DENND2C: variants seen among roughly 807,000 people sequenced by gnomAD.
DENND2C encodes the protein DENN domain containing 2C.
A neutral mutation model predicts 112.4 loss-of-function variants in DENND2C; 72 were observed. The observed-to-expected ratio is 0.64, with a 90% CI of 0.53 to 0.78. DENND2C has a LOEUF of 0.78. Ranked by LOEUF, DENND2C falls within the 30% of genes least tolerant of loss-of-function variation. The pLI is 0.00. For synonymous variants in DENND2C, 329 were observed against 381.6 expected, an observed-to-expected ratio of 0.86 and a Z score of 1.61; for missense variants, 992 against 1,113.8, an observed-to-expected ratio of 0.89 and a Z score of 1.56.
intron 8 of DENND2C, among the ~76,000 whole-genome samples, chr1:114,613,923 T>C (rs974382001): frequency 2.6e-5 from 4 of 152,098 alleles, no homozygotes; most frequent in African/African-American, 9.7e-5. Flanking sequence ...TTGTAATACC[T>C]GAAAACTGAA....
chr1:114,605,442 C>T (rs767857717), intron 10 of DENND2C, among the ~76,000 whole-genome samples: 4 of 152,162 alleles, frequency 2.6e-5, no homozygotes, highest in East Asian at 1.9e-4. Context: ...AAAACCTAGT[C>T]GGCTCAAGAC....
intron 1 of DENND2C, among the ~76,000 whole-genome samples, chr1:114,657,258 TG>T (rs747951116): frequency 8.1e-5 from 12 of 148,650 alleles, no homozygotes; most frequent in Non-Finnish European, 1.6e-4. Flanking sequence ...TTTTTTCTTT[TG>T]TTTGTTTGTT....
intron 1 of DENND2C, among the ~76,000 whole-genome samples, chr1:114,661,792 C>A (rs555865046): frequency 3.3e-5 from 5 of 152,206 alleles, no homozygotes; most frequent in African/African-American, 4.8e-5. Context: ...AATAATGAAA[C>A]AACAAATTTG....
chr1:114,590,472 T>C (rs1403940834), intron 18 of DENND2C, among the ~76,000 whole-genome samples: 1 of 152,126 alleles, frequency 6.6e-6, no homozygotes, highest in Admixed American at 6.5e-5. Flanking sequence ...TCACATATAA[T>C]GGCACTATAA....
chr1:114,604,629 G>A, intron 11 of DENND2C, among the ~76,000 whole-genome samples: 1 of 151,652 alleles, frequency 6.6e-6, no homozygotes, highest in East Asian at 1.9e-4. Flanking sequence ...TGTCCACTTG[G>A]GAGCATTTCT....
At chr1:114,603,792 G>T (rs1655586117) in intron 11 of DENND2C, among the ~76,000 whole-genome samples, 1 of 151,384 alleles carries the variant, frequency 6.6e-6, no homozygotes, top group Non-Finnish European at 1.5e-5. Context: ...TCCCACCTTA[G>T]CCTCAAAGTG....
Position 114,657,920 on chromosome 1 carries a change from G to A in DENND2C, c.-573-3159C>T, listed in dbSNP as rs144229273. Among the ~76,000 whole-genome samples the A allele has an allele frequency of 1.2e-3, 185 of 152,292 alleles. 1 individual carries two copies. Among genetic ancestry groups the A allele is most frequent in the Middle Eastern group, 6.8e-3 (2 of 294 alleles). Reference sequence around the variant, plus strand: ...AAGCAAAGACCTAAAGAAGGAGAGAGAGCATGGGCCTCCAATGGGACCGGA... The same window carrying A: ...AAGCAAAGACCTAAAGAAGGAGAGAAAGCATGGGCCTCCAATGGGACCGGA... On this transcript the variant is annotated intron_variant, in intron 1 of 20. Transcript: ENST00000393274.
intron 3 of DENND2C, among the ~76,000 whole-genome samples, chr1:114,636,772 T>C (rs916236794): frequency 2.0e-5 from 3 of 151,372 alleles, no homozygotes; most frequent in Non-Finnish European, 4.4e-5. Context: ...CTGCAAACAA[T>C]ATGATTGTAA....
At chr1:114,600,762 ACTAGT>A (rs1655477324) in intron 14 of DENND2C, 53 bp downstream of exon 14, 1 of 1,572,290 alleles carries the variant, frequency 6.4e-7, no homozygotes, top group East Asian at 2.3e-5. Context: ...GAAACTGCCT[ACTAGT>A]GTAAGTCCTG....
chr1:114,624,307 T>G (rs1364316937), intron 4 of DENND2C, among the ~76,000 whole-genome samples: 1 of 152,138 alleles, frequency 6.6e-6, no homozygotes, highest in African/African-American at 2.4e-5. Context: ...AATTTTTATT[T>G]TATGTTATTT....
chr1:114,641,819 C>T (rs1656844009), intron 3 of DENND2C, among the ~76,000 whole-genome samples: 1 of 152,102 alleles, frequency 6.6e-6, no homozygotes, highest in South Asian at 2.1e-4. Context: ...AAGCCAACTG[C>T]ACAGTTTTAA....
At chr1:114,666,552 T>C (rs536780009) in intron 1 of DENND2C, among the ~76,000 whole-genome samples, 1 of 152,276 alleles carries the variant, frequency 6.6e-6, no homozygotes, top group East Asian at 1.9e-4. Flanking sequence ...GACTCCCTGG[T>C]TCAAATGATT....
At chr1:114,618,908 C>T (rs1306179106) in intron 7 of DENND2C, among the ~76,000 whole-genome samples, 1 of 152,142 alleles carries the variant, frequency 6.6e-6, no homozygotes, top group Admixed American at 6.5e-5. Flanking sequence ...GAAATTCTTC[C>T]CAAGGAGCAG....
rs1021685362 is a variant in DENND2C, at chr1:114,583,869, A to C, written c.*1731T>G. On this transcript the variant is annotated 3_prime_UTR_variant, in exon 21 of 21. Transcript: ENST00000393274. ...ACACACACATACACACACAAAAAAA[A>C]CACTGCACCATCACTGAAAACTTTC... The C allele has an allele frequency of 4.6e-5, 7 of 152,078 alleles. No individual in the cohort carries two copies. Among genetic ancestry groups the C allele is most frequent in the Non-Finnish European group, 8.8e-5 (6 of 68,086 alleles). The allele number at this position is 152,078 out of a possible 1,614,324, so 9.4% of individuals were successfully genotyped here.
chr1:114,617,351 C>A (rs1656000392), intron 8 of DENND2C, among the ~76,000 whole-genome samples: 1 of 152,104 alleles, frequency 6.6e-6, no homozygotes, highest in South Asian at 2.1e-4. Flanking sequence ...CACTCTGTCA[C>A]CCAGGCTGCA....
intron 1 of DENND2C, among the ~76,000 whole-genome samples, chr1:114,665,319 A>G (rs1657618809): frequency 6.6e-6 from 1 of 152,028 alleles, no homozygotes; most frequent in Non-Finnish European, 1.5e-5. Flanking sequence ...ATGCAAATAA[A>G]GAGACAGAAA....
At chr1:114,642,109 G>A (rs752618146) in intron 3 of DENND2C, among the ~76,000 whole-genome samples, 6 of 152,026 alleles carry the variant, frequency 3.9e-5, no homozygotes, top group Non-Finnish European at 7.4e-5. Context: ...ATGCCACCAC[G>A]CCCAGCTAAT....
chr1:114,638,789 GA>G lies in DENND2C; in HGVS notation c.-205+6658del, dbSNP rs529570234. 7.9e-4 allele frequency among the ~76,000 whole-genome samples: 107 copies of G among 135,456 alleles called. No homozygotes were observed. In the East Asian group the frequency reaches 0.013, roughly 16 times the overall value. The allele number at this position is 135,456 out of a possible 152,430, so 88.9% of individuals were successfully genotyped here. On this transcript the variant is annotated intron_variant, in intron 3 of 20. Coordinates refer to ENST00000393274, the MANE Select transcript of DENND2C (RefSeq NM_001256404.2). ...AAAAAAAAAAAAAAAAGAGAAAAAA[GA>G]AAAAAAAAGAAAGAAAAGAAAGAAT...
chr1:114,665,550 C>T (rs1268556587), intron 1 of DENND2C, among the ~76,000 whole-genome samples: 2 of 152,170 alleles, frequency 1.3e-5, no homozygotes, highest in Non-Finnish European at 2.9e-5. Flanking sequence ...TTCGGATAAA[C>T]CCTTCGTAAG....
Sources: gnomAD v4.1 joint callset for allele counts (sites outside exome capture counted in the v4.1 genomes callset) on GRCh38, gnomAD v4.1.1 for gene constraint, MANE v1.5 for transcripts, NCBI Gene and HGNC (gene_info 2026-07-23, HGNC 2026-07-21) for gene names.